KIAA0825: variants seen among roughly 807,000 people sequenced by gnomAD.
KIAA0825 encodes the protein uncharacterized protein KIAA0825.
Under a neutral mutation model 147.6 loss-of-function variants are expected in KIAA0825, and 119 were observed. The ratio of observed to expected loss-of-function variants is 0.81; its 90% confidence interval spans 0.69 to 0.94. The LOEUF (loss-of-function observed/expected upper bound fraction) is 0.94. Among genes scored for constraint, KIAA0825 ranks in the 40% least tolerant of loss-of-function variants. The pLI is 0.00. For synonymous variants in KIAA0825, 470 were observed against 518.1 expected, an observed-to-expected ratio of 0.91 and a Z score of 1.26; for missense variants, 1,381 against 1,472.7, an observed-to-expected ratio of 0.94 and a Z score of 1.02.
intron 20 of KIAA0825, among the ~76,000 whole-genome samples, chr5:94,342,419 A>G (rs558165767): frequency 1.8e-4 from 27 of 152,342 alleles, no homozygotes; most frequent in African/African-American, 6.5e-4. Context: ...GAAAGGAATA[A>G]TGTCACATAT....
At chr5:94,510,359 G>A (rs1766310786) in intron 5 of KIAA0825, among the ~76,000 whole-genome samples, 1 of 152,032 alleles carries the variant, frequency 6.6e-6, no homozygotes, top group Non-Finnish European at 1.5e-5. Flanking sequence ...TGCTAACTTG[G>A]GTACTTCTTA....
chr5:94,463,201 G>A (rs187004382), intron 11 of KIAA0825, among the ~76,000 whole-genome samples: 4 of 151,308 alleles, frequency 2.6e-5, no homozygotes, highest in South Asian at 4.2e-4. Context: ...ATAGGGACCC[G>A]AAGATCTCTT....
intron 1 of KIAA0825, among the ~76,000 whole-genome samples, chr5:94,602,130 A>G (rs1230180263): frequency 5.9e-5 from 9 of 152,154 alleles, no homozygotes; most frequent in Non-Finnish European, 1.3e-4. Context: ...CAGGCGGATC[A>G]TGAGGTCAGG....
chr5:94,608,657 T>C (rs147766982), intron 1 of KIAA0825, among the ~76,000 whole-genome samples: 448 of 146,950 alleles, frequency 3.0e-3, no homozygotes, highest in African/African-American at 0.011. Context: ...AATACTTTGA[T>C]TAACCTTTGT....
intron 5 of KIAA0825, among the ~76,000 whole-genome samples, chr5:94,485,782 C>T (rs1762983893): frequency 6.6e-6 from 1 of 151,604 alleles, no homozygotes; most frequent in Admixed American, 6.6e-5. Context: ...ATTAAAGATA[C>T]ACTCTTTAAG....
intron 20 of KIAA0825, among the ~76,000 whole-genome samples, chr5:94,184,736 T>C (rs950692202): frequency 1.3e-5 from 2 of 152,192 alleles, no homozygotes; most frequent in Non-Finnish European, 2.9e-5. Flanking sequence ...TACACAAGTC[T>C]TTAAAAAATA....
intron 20 of KIAA0825, among the ~76,000 whole-genome samples, chr5:94,367,273 G>T (rs766258072): frequency 2.0e-5 from 3 of 152,118 alleles, no homozygotes; most frequent in Non-Finnish European, 2.9e-5. Flanking sequence ...GAGGCGGGTG[G>T]ATCACCCGAG....
chr5:94,501,517 T>G (rs1421645057), intron 5 of KIAA0825, among the ~76,000 whole-genome samples: 1 of 152,228 alleles, frequency 6.6e-6, no homozygotes, highest in Non-Finnish European at 1.5e-5. Context: ...TCCTAATAGC[T>G]ACAGGACATT....
At chr5:94,559,159 C>T (rs377492304) in intron 2 of KIAA0825, among the ~76,000 whole-genome samples, 81 of 152,208 alleles carry the variant, frequency 5.3e-4, no homozygotes, top group Admixed American at 3.9e-4. Context: ...CTTCCCTACA[C>T]GTGTATTCTT....
intron 2 of KIAA0825, among the ~76,000 whole-genome samples, chr5:94,580,030 A>C (rs1781789460): frequency 6.6e-6 from 1 of 152,220 alleles, no homozygotes; most frequent in Admixed American, 6.5e-5. Flanking sequence ...ATAATGCTAT[A>C]TCAGAGAAGC....
intron 5 of KIAA0825, among the ~76,000 whole-genome samples, chr5:94,494,861 GAAGTT>G (rs1764173768): frequency 6.6e-6 from 1 of 152,210 alleles, no homozygotes; most frequent in South Asian, 2.1e-4. Flanking sequence ...CCGTGACAGA[GAAGTT>G]ACATTATCAG....
chr5:94,487,781 A>AAAAC (rs958326981), intron 5 of KIAA0825, among the ~76,000 whole-genome samples: 6 of 152,110 alleles, frequency 3.9e-5, no homozygotes, highest in Non-Finnish European at 5.9e-5. Context: ...AAAAAATACC[A>AAAAC]AAACAAACAA....
At chr5:94,275,330 A>T (rs191600629) in intron 20 of KIAA0825, among the ~76,000 whole-genome samples, 9 of 152,282 alleles carry the variant, frequency 5.9e-5, no homozygotes, top group African/African-American at 1.7e-4. Context: ...TGCAATGGAT[A>T]TCAAAGGAAG....
intron 20 of KIAA0825, among the ~76,000 whole-genome samples, chr5:94,242,563 T>C (rs1235934851): frequency 6.6e-6 from 1 of 151,926 alleles, no homozygotes; most frequent in Non-Finnish European, 1.5e-5. Flanking sequence ...CCTTCCTTCC[T>C]ACCTTCCTTC....
chr5:94,172,922 G>A (rs766532096), intron 20 of KIAA0825, among the ~76,000 whole-genome samples: 1 of 152,076 alleles, frequency 6.6e-6, no homozygotes, highest in Non-Finnish European at 1.5e-5. Context: ...AGGTAATTTA[G>A]GAAAAGATTT....
At chr5:94,454,990 G>A (rs1243258529) in intron 12 of KIAA0825, among the ~76,000 whole-genome samples, 1 of 152,116 alleles carries the variant, frequency 6.6e-6, no homozygotes, top group Non-Finnish European at 1.5e-5. Flanking sequence ...AGAAGCTTAG[G>A]ATACATTGCA....
chr5:94,298,073 C>T (rs1355186076), intron 20 of KIAA0825, among the ~76,000 whole-genome samples: 2 of 150,984 alleles, frequency 1.3e-5, no homozygotes, highest in African/African-American at 4.9e-5. Context: ...AGTGAAAACC[C>T]GTCTCTACTA....
intron 20 of KIAA0825, among the ~76,000 whole-genome samples, chr5:94,364,949 G>A (rs1205457946): frequency 4.6e-5 from 7 of 152,226 alleles, no homozygotes; most frequent in Non-Finnish European, 8.8e-5. Flanking sequence ...GGGACTAGGC[G>A]TGTTCAAAAT....
intron 14 of KIAA0825, among the ~76,000 whole-genome samples, chr5:94,420,301 G>C (rs1562480191): frequency 1.3e-5 from 2 of 152,228 alleles, no homozygotes; most frequent in East Asian, 3.9e-4. Flanking sequence ...AATTTTCCCA[G>C]TTTTACAGAT....
Sources: allele counts gnomAD v4.1 joint callset (sites outside exome capture counted in the v4.1 genomes callset), GRCh38; gene constraint gnomAD v4.1.1; transcripts MANE v1.5; gene names NCBI Gene and HGNC (gene_info 2026-07-23, HGNC 2026-07-21).